The following CYP27B1 variants were observed in gnomAD, a reference collection of about 807,000 sequenced individuals.
CYP27B1 encodes cytochrome P450 family 27 subfamily B member 1, also known as 25-hydroxyvitamin D-1 alpha hydroxylase, mitochondrial.
CYP27B1 carries 46 observed loss-of-function variants against 54.8 expected under a neutral mutation model. The observed-to-expected ratio is 0.84, with a 90% CI of 0.66 to 1.07. CYP27B1 has a LOEUF of 1.07. Among genes scored for constraint, CYP27B1 ranks in the 50% least tolerant of loss-of-function variants. CYP27B1 has a pLI of 0.00. For missense variants in CYP27B1, 674 were observed against 692.2 expected (o/e 0.97, Z 0.30); for synonymous variants, 292 against 297.3 (o/e 0.98, Z 0.18).
At position 57,765,670 on chromosome 12, in the gene CYP27B1, T is replaced by C; in HGVS notation, c.387-171A>G. 1 of 901,372 alleles carries C rather than the reference T, an allele frequency of 1.1e-6. No homozygotes were observed. Among genetic ancestry groups the C allele is most frequent in the Non-Finnish European group, 1.8e-6 (1 of 558,222 alleles). The allele number at this position is 901,372 out of a possible 1,614,324, so 55.8% of individuals were successfully genotyped here. On this transcript the variant is annotated intron_variant, in intron 2 of 8. Coordinates refer to ENST00000228606, the MANE Select transcript of CYP27B1 (RefSeq NM_000785.4). This position sits in a 1 kb window ranked among gnomAD's most constrained non-coding sequence, Gnocchi z 5.8. The stretch of plus-strand genomic sequence containing the variant: ...GCCTGTCTTCCAGCCCCCTTCCTCT[T>C]TACTCATTTCCTGCCCTCAGGGGCC...
chr12:57,763,955 T>G (rs1422436556), intron 7 of CYP27B1, 143 bp downstream of exon 7: 1 of 1,058,918 alleles, frequency 9.4e-7, no homozygotes, highest in Non-Finnish European at 1.4e-6. Flanking sequence ...TCCCCACTGT[T>G]CCATTACATC....
chr12:57,764,880 G>A lies in CYP27B1; in HGVS notation c.837C>T (p.Asn279=). The A allele has an allele frequency of 6.2e-7, 1 of 1,614,174 alleles. No individual in the cohort carries two copies. The highest frequency in any genetic ancestry group is 8.5e-7 in the Non-Finnish European group (1 of 1,180,048). The change falls in exon 5 of 9, where the codon AAC becomes AAT. Residue 279 remains asparagine (N), a synonymous_variant. Coordinates refer to ENST00000228606, the MANE Select transcript of CYP27B1 (RefSeq NM_000785.4). ...ERREAEAAMR[N]GGQPEKDLES... Reference sequence around the variant, plus strand: ...CCAGGTCCTTCTCGGGCTGTCCTCCGTTCCTCATGGCTGCCTCTGCCTCTC... The same window carrying A: ...CCAGGTCCTTCTCGGGCTGTCCTCCATTCCTCATGGCTGCCTCTGCCTCTC...
In CYP27B1 at chr12:57,764,777, A is replaced by G. The variant is rs1241507724; in HGVS notation, c.940T>C (p.Leu314=). The change falls in exon 5 of 9, where the codon TTG becomes CTG. Residue 314 remains leucine, a synonymous_variant. Coordinates refer to ENST00000228606, the MANE Select transcript of CYP27B1 (RefSeq NM_000785.4). ...ACCGTGTCCACTCCCGCCAATAGCA[A>G]CTCTGTCACATTTCCCAGGATGGAC... ...AQSILGNVTE[L]LLAGVDTVSN... 3 of 1,613,976 alleles carry G rather than the reference A, an allele frequency of 1.9e-6. No homozygotes were observed. The highest frequency in any genetic ancestry group is 1.6e-4 in the Middle Eastern group (1 of 6,062).
rs529738756 is a variant in CYP27B1, at chr12:57,765,740, A to G, written c.387-241T>C. Reference sequence around the variant, plus strand: ...AGTCACAGAACCTTACATTCATTCCATCCAGATCCTTGTACCCTAGCCCAA... The same window carrying G: ...AGTCACAGAACCTTACATTCATTCCGTCCAGATCCTTGTACCCTAGCCCAA... On this transcript the variant is annotated intron_variant, in intron 2 of 8. Transcript: ENST00000228606. The surrounding 1 kb of genome is among the most constrained non-coding windows in gnomAD (Gnocchi z 5.8). The G allele has an allele frequency of 1.2e-6, 1 of 807,420 alleles. No individual in the cohort carries two copies. The allele number at this position is 807,420 out of a possible 1,614,324, so 50.0% of individuals were successfully genotyped here.
chr12:57,764,553 G>GA lies in CYP27B1; in HGVS notation c.964-4dup. 1.9e-6 allele frequency: 3 copies of GA among 1,613,972 alleles called. No homozygotes were observed. The highest frequency in any genetic ancestry group is 2.5e-6 in the Non-Finnish European group (3 of 1,180,030). On this transcript the variant is annotated splice_polypyrimidine_tract_variant and splice_region_variant and intron_variant, in intron 5 of 8. Coordinates refer to ENST00000228606, the MANE Select transcript of CYP27B1 (RefSeq NM_000785.4). ...GCCCAAGAGAGCGTGTTGGACACCTGAAAAACATGTGAAAGCAAGAGAGGT... is the reference window on the plus strand; with the variant it reads ...GCCCAAGAGAGCGTGTTGGACACCTGAAAAAACATGTGAAAGCAAGAGAGGT...
rs547387731 is a variant in CYP27B1, at chr12:57,766,171, C to T, written c.222G>A (p.Pro74=). ...CTGTCCCAAAGCTGGCTAGCCACAC[C>T]GGCCCGAAGTGCGCGGCGCCCTGCA... ...LQVQGAAHFG[P]VWLASFGTVR... The change falls in exon 2 of 9, where the codon CCG becomes CCA. Residue 74 remains proline (P), a synonymous_variant. Coordinates refer to ENST00000228606, the MANE Select transcript of CYP27B1 (RefSeq NM_000785.4). 2.1e-5 allele frequency: 33 copies of T among 1,543,848 alleles called. No homozygotes were observed. The highest frequency in any genetic ancestry group is 2.9e-5 in the Non-Finnish European group (33 of 1,145,566).
In CYP27B1 at chr12:57,766,052, G is replaced by T. The variant is rs1247839240; in HGVS notation, c.341C>A (p.Thr114Lys). Residue 114 changes from threonine (T) to lysine (K), a missense_variant, in exon 2 of 9, where the codon ACG becomes AAG. By Grantham distance (78) the Thr-to-Lys change is moderately conservative. Transcript: ENST00000228606. ...RPERCSFSPW[T>K]EHRRCRQRAC... Reference sequence around the variant, plus strand: ...CCGCTGGCGGCAGCGGCGGTGCTCCGTCCAGGGCGAGAAGCTGCAGCGCTC... The same window carrying T: ...CCGCTGGCGGCAGCGGCGGTGCTCCTTCCAGGGCGAGAAGCTGCAGCGCTC... 1 of 1,564,042 alleles carries T rather than the reference G, an allele frequency of 6.4e-7. No individual in the cohort carries two copies.
rs1377455824 is a variant in CYP27B1 at position 57,764,458 on chromosome 12, G to A, written c.1056C>T (p.Ser352=). ...ALHSEITAAL[S]PGSSAYPSAT... ...CTGAGGGGTAGGCACTGGAGCCAGG[G>A]CTCAGGGCAGCTGTGATCTCTGAGT... The change falls in exon 6 of 9, where the codon AGC becomes AGT. Residue 352 remains serine (S), a synonymous_variant. Transcript: ENST00000228606. 1 of 1,614,218 alleles carries A rather than the reference G, an allele frequency of 6.2e-7. No homozygotes were observed. Among genetic ancestry groups the A allele is most frequent in the Non-Finnish European group, 8.5e-7 (1 of 1,180,040 alleles).
In CYP27B1 at chr12:57,763,174, T is replaced by C; in HGVS notation, c.1495A>G (p.Arg499Gly). The change falls in exon 9 of 9, where the codon AGG becomes GGG. Residue 499 changes from arginine (R) to glycine (G), a missense_variant. Transcript: ENST00000228606. Reference sequence around the variant, plus strand: ...TCCAAAAACTGTAGGTTGATGCTCCTTTCAGGTACCAGGACAGTCCGGGTC... The same window carrying C: ...TCCAAAAACTGTAGGTTGATGCTCCCTTCAGGTACCAGGACAGTCCGGGTC... ...PKTRTVLVPE[R>G]SINLQFLDR 6.2e-7 allele frequency: 1 copy of C among 1,614,162 alleles called. No homozygotes were observed. The highest frequency in any genetic ancestry group is 8.5e-7 in the Non-Finnish European group (1 of 1,179,968).
rs995169867 is a variant in CYP27B1 at position 57,763,189 on chromosome 12, C to T, written c.1480G>A (p.Val494Ile). ...AAPVRPKTRT[V>I]LVPERSINLQ... ...TTGATGCTCCTTTCAGGTACCAGGACAGTCCGGGTCTTGGGTCTAACTGGG... is the reference window on the plus strand; with the variant it reads ...TTGATGCTCCTTTCAGGTACCAGGATAGTCCGGGTCTTGGGTCTAACTGGG... Residue 494 changes from valine (V) to isoleucine (I), a missense_variant, in exon 9 of 9, where the codon GTC (valine) becomes ATC (isoleucine). Val to Ile is a conservative substitution (Grantham distance 29). Transcript: ENST00000228606. 6.8e-6 allele frequency: 11 copies of T among 1,614,068 alleles called. No homozygotes were observed. Among genetic ancestry groups the T allele is most frequent in the African/African-American group, 1.3e-5 (1 of 74,932 alleles).
chr12:57,765,895 T>C lies in CYP27B1; in HGVS notation c.386+112A>G. ...ATGGGAACCCCAAGATGCCCAATGGTAGAGTGGGACAGCCGACCTCCCACC... is the reference window on the plus strand; with the variant it reads ...ATGGGAACCCCAAGATGCCCAATGGCAGAGTGGGACAGCCGACCTCCCACC... On this transcript the variant is annotated intron_variant, in intron 2 of 8. Transcript: ENST00000228606. This position sits in a 1 kb window ranked among gnomAD's most constrained non-coding sequence, Gnocchi z 5.8. 2.1e-6 allele frequency: 3 copies of C among 1,438,254 alleles called. No individual in the cohort carries two copies. The highest frequency in any genetic ancestry group is 2.7e-6 in the Non-Finnish European group (3 of 1,099,152). 89.1% of individuals were successfully genotyped at this position (1,438,254 alleles called of 1,614,324 possible).
In CYP27B1 at chr12:57,765,265, C is replaced by T; in HGVS notation, c.589+32G>A. 1 of 1,611,850 alleles carries T rather than the reference C, an allele frequency of 6.2e-7. No individual in the cohort carries two copies. The highest frequency in any genetic ancestry group is 8.5e-7 in the Non-Finnish European group (1 of 1,179,258). ...CCGGGAGGCTCTGGTAGGGCGCCCC[C>T]GACGCCTGCCCAGCTCTGTCCTGGG... On this transcript the variant is annotated intron_variant, in intron 3 of 8. Coordinates refer to ENST00000228606, the MANE Select transcript of CYP27B1 (RefSeq NM_000785.4). This position sits in a 1 kb window ranked among gnomAD's most constrained non-coding sequence, Gnocchi z 5.8.
rs1343219109 is a variant in CYP27B1, at chr12:57,766,862, C to A, written c.180G>T (p.Arg60Ser). ...CCCTTCCTACCTGCAGCTCGTGTAG[C>A]CTCGACAGCCCCCCCTTGCAGAAAA... ...AELFCKGGLS[R>S]LHELQVQGAA... Residue 60 changes from arginine (R) to serine (S), a missense_variant, in exon 1 of 9, where the codon AGG (arginine) becomes AGT (serine). Physicochemically the swap from Arg to Ser is moderately radical, Grantham distance 110. Coordinates refer to ENST00000228606, the MANE Select transcript of CYP27B1 (RefSeq NM_000785.4). 6.2e-7 allele frequency: 1 copy of A among 1,614,218 alleles called. No homozygotes were observed. Among genetic ancestry groups the A allele is most frequent in the East Asian group, 2.2e-5 (1 of 44,886 alleles).
Position 57,764,404 on chromosome 12 carries a change from C to A in CYP27B1, c.1110G>T (p.Leu370=), listed in dbSNP as rs1441118032. ...TTAGCACTTCCTTGACCACCGCCTTCAGCAGGGGCAGCTGGGACAGAACAG... is the reference window on the plus strand; with the variant it reads ...TTAGCACTTCCTTGACCACCGCCTTAAGCAGGGGCAGCTGGGACAGAACAG... ...SATVLSQLPL[L]KAVVKEVLRL... is the part of the protein sequence containing the mutation. The change falls in exon 6 of 9, where the codon CTG becomes CTT. Residue 370 remains leucine (L), a synonymous_variant. Transcript: ENST00000228606. 1 of 1,614,094 alleles carries A rather than the reference C, an allele frequency of 6.2e-7. No individual in the cohort carries two copies. The highest frequency in any genetic ancestry group is 1.3e-5 in the African/African-American group (1 of 74,930).
chr12:57,764,316 C>T, intron 6 of CYP27B1, 62 bp downstream of exon 6: 8 of 1,603,908 alleles, frequency 5.0e-6, no homozygotes, highest in Middle Eastern at 1.7e-4. Flanking sequence ...CTTCCATCCA[C>T]TAGTTGCTTC....
In CYP27B1 at chr12:57,762,853, G is replaced by A; in HGVS notation, c.*289C>T. On this transcript the variant is annotated 3_prime_UTR_variant, in exon 9 of 9. Coordinates refer to ENST00000228606, the MANE Select transcript of CYP27B1 (RefSeq NM_000785.4). ...GAGAGGCAGTTGAATCTTTCCTCAG[G>A]CCATCCAGCATTATTAGTTAAAATC... is the stretch of plus-strand genomic sequence containing the variant. The A allele has an allele frequency of 5.0e-6, 2 of 401,034 alleles. No individual in the cohort carries two copies. Among genetic ancestry groups the A allele is most frequent in the East Asian group, 5.7e-5 (1 of 17,642 alleles). 24.8% of individuals were successfully genotyped at this position (401,034 alleles called of 1,614,324 possible).
rs781014540 is a variant in CYP27B1 at position 57,765,358 on chromosome 12, G to T, written c.528C>A (p.Gly176=). The T allele has an allele frequency of 1.9e-6, 3 of 1,613,498 alleles. No homozygotes were observed. The highest frequency in any genetic ancestry group is 1.7e-6 in the Non-Finnish European group (2 of 1,179,816). The change falls in exon 3 of 9, where the codon GGC becomes GGA. Residue 176 remains glycine, a synonymous_variant. Transcript: ENST00000228606. This position sits in a 1 kb window ranked among gnomAD's most constrained non-coding sequence, Gnocchi z 5.8. ...CCCGAACCAGGGCGGGCGGCCCCGT[G>T]CCACGTCCCCGCTGGCGCCTCAGAC... ...VRRLRRQRGR[G]TGPPALVRDV...
Position 57,766,897 on chromosome 12 carries a change from G to C in CYP27B1, c.145C>G (p.Leu49Val), listed in dbSNP as rs201343041. 2 of 1,614,192 alleles carry C rather than the reference G, an allele frequency of 1.2e-6. No individual in the cohort carries two copies. Among genetic ancestry groups the C allele is most frequent in the Non-Finnish European group, 8.5e-7 (1 of 1,180,042 alleles). ...CCCCCCTTGCAGAAAAGTTCGGCCA[G>C]AAAGCTGGGCGTAGAGGGGCCTGGG... ...DIPGPSTPSF[L>V]AELFCKGGLS... Residue 49 changes from leucine (L) to valine (V), a missense_variant, in exon 1 of 9, where the codon CTG (leucine) becomes GTG (valine). Leu to Val is a conservative substitution (Grantham distance 32). Coordinates refer to ENST00000228606, the MANE Select transcript of CYP27B1 (RefSeq NM_000785.4).
intron 4 of CYP27B1, 29 bp from the exon 5 acceptor site, chr12:57,764,955 T>A: frequency 6.2e-7 from 1 of 1,613,968 alleles, no homozygotes; most frequent in Non-Finnish European, 8.5e-7. Flanking sequence ...CGTGAATACC[T>A]CGCTACCCCT....
Sources: gnomAD v4.1 joint callset for allele counts on GRCh38, gnomAD v4.1.1 for gene constraint, Gnocchi (gnomAD v3.1) non-coding constraint, MANE v1.5 for transcripts, NCBI Gene and HGNC (gene_info 2026-07-23, HGNC 2026-07-21) for gene names.